The following CDC42SE2 variants were observed in gnomAD, a reference collection of about 807,000 sequenced individuals.
CDC42SE2 encodes the protein CDC42 small effector protein 2.
A neutral mutation model predicts 11.5 loss-of-function variants in CDC42SE2; 3 were observed. The ratio of observed to expected loss-of-function variants is 0.26; its 90% CI spans 0.12 to 0.67. The LOEUF (loss-of-function observed/expected upper bound fraction) is 0.67. Among genes scored for constraint, CDC42SE2 ranks in the 30% least tolerant of loss-of-function variants. CDC42SE2 has a pLI of 0.80. For missense variants in CDC42SE2, 82 were observed against 106.8 expected (o/e 0.77, Z 1.02); for synonymous variants, 33 against 34.8 (o/e 0.95, Z 0.18).
At chr5:131,266,204 T>G (rs944512139) in intron 1 of CDC42SE2, among the ~76,000 whole-genome samples, 3 of 152,164 alleles carry the variant, frequency 2.0e-5, no homozygotes, top group Non-Finnish European at 2.9e-5. Context: ...CGTTGCCTAT[T>G]TTAATCTATT....
At chr5:131,316,832 G>A (rs973464318) in intron 2 of CDC42SE2, among the ~76,000 whole-genome samples, 9 of 152,224 alleles carry the variant, frequency 5.9e-5, no homozygotes, top group Middle Eastern at 3.4e-3. Flanking sequence ...GTTTTGCCTT[G>A]AGATTTCCTG....
upstream of CDC42SE2, among the ~76,000 whole-genome samples, chr5:131,260,721 G>T (rs541034061): frequency 4.2e-4 from 64 of 151,998 alleles, 1 homozygote; most frequent in Admixed American, 7.2e-4. Flanking sequence ...ATCCCCTGAG[G>T]TCAGGAGTTC....
the CDC42SE2 span, among the ~76,000 whole-genome samples, chr5:131,211,527 T>C: frequency 3.9e-5 from 6 of 152,230 alleles, no homozygotes; most frequent in East Asian, 1.2e-3. Flanking sequence ...CTCATGTGTC[T>C]TGTCATTTTT....
chr5:131,348,073 G>C (rs1477978649), intron 2 of CDC42SE2, among the ~76,000 whole-genome samples: 5 of 152,166 alleles, frequency 3.3e-5, no homozygotes, highest in South Asian at 4.1e-4. Context: ...CATTCCCTTT[G>C]AAAACTGGCA....
intron 2 of CDC42SE2, among the ~76,000 whole-genome samples, chr5:131,336,441 T>TA (rs1758564294): frequency 6.6e-6 from 1 of 152,212 alleles, no homozygotes; most frequent in Admixed American, 6.5e-5. Flanking sequence ...ATCTGACAAT[T>TA]ACGTGTCTTG....
intron 2 of CDC42SE2, among the ~76,000 whole-genome samples, chr5:131,258,491 C>T (rs373286234): frequency 6.6e-6 from 1 of 151,950 alleles, no homozygotes; most frequent in Non-Finnish European, 1.5e-5. Context: ...TCTTGTTGTC[C>T]CCAGAGGCAT....
chr5:131,309,905 A>G (rs1208785881), intron 1 of CDC42SE2, among the ~76,000 whole-genome samples: 3 of 151,138 alleles, frequency 2.0e-5, no homozygotes, highest in African/African-American at 7.3e-5. Flanking sequence ...CAGCTCCTGG[A>G]TTCATTAATT....
intron 2 of CDC42SE2, among the ~76,000 whole-genome samples, chr5:131,338,394 A>G (rs1758628642): frequency 6.6e-6 from 1 of 152,192 alleles, no homozygotes; most frequent in Admixed American, 6.5e-5. Flanking sequence ...CCTCACTAGA[A>G]ATATAATGGC....
intron 2 of CDC42SE2, among the ~76,000 whole-genome samples, chr5:131,257,394 GC>G (rs1756686806): frequency 6.6e-6 from 1 of 151,952 alleles, no homozygotes; most frequent in South Asian, 2.1e-4. Flanking sequence ...ACCGTGCCCG[GC>G]CTCATGATGA....
chr5:131,263,524 A>G (rs1253939905), upstream of CDC42SE2: 3 of 152,208 alleles, frequency 2.0e-5, no homozygotes, highest in Admixed American at 6.5e-5. Context: ...TAAACCAGTT[A>G]ATGACTGATT....
rs180893926 is a variant in CDC42SE2 at position 131,303,388 on chromosome 5, G to T, written c.-454-12588G>T. Among the ~76,000 whole-genome samples, 132 of 152,200 alleles carry T rather than the reference G, an allele frequency of 8.7e-4. 1 individual carries two copies. The highest frequency in any genetic ancestry group is 6.3e-3 in the Admixed American group (97 of 15,280). Reference sequence around the variant, plus strand: ...ATTCAATGTCAGAGTGATTTAATAGGGTCAAGGCCTGATAATTTAAGCTAC... The same window carrying T: ...ATTCAATGTCAGAGTGATTTAATAGTGTCAAGGCCTGATAATTTAAGCTAC... On this transcript the variant is annotated intron_variant, in intron 1 of 4. Transcript: ENST00000505065.
chr5:131,348,927 G>A (rs567010717), intron 2 of CDC42SE2, among the ~76,000 whole-genome samples: 17 of 152,132 alleles, frequency 1.1e-4, no homozygotes, highest in African/African-American at 4.1e-4. Context: ...TGGGAAAACT[G>A]GCTAGCCACA....
chr5:131,310,827 G>C (rs574506050), intron 1 of CDC42SE2, among the ~76,000 whole-genome samples: 3,145 of 151,808 alleles, frequency 0.021, 68 homozygotes, highest in East Asian at 0.094. Flanking sequence ...TATTTTGAGC[G>C]TATGTGTGTC....
chr5:131,270,167 G>T (rs1422365341), intron 1 of CDC42SE2, among the ~76,000 whole-genome samples: 1 of 151,916 alleles, frequency 6.6e-6, no homozygotes, highest in Non-Finnish European at 1.5e-5. Context: ...GAGGTCAGGA[G>T]ATCAAGACCA....
chr5:131,298,686 G>A (rs1757621919), intron 1 of CDC42SE2, among the ~76,000 whole-genome samples: 1 of 151,582 alleles, frequency 6.6e-6, no homozygotes, highest in South Asian at 2.1e-4. Context: ...CACCATCTTT[G>A]GTACCCCATA....
chr5:131,212,130 C>T, the CDC42SE2 span, among the ~76,000 whole-genome samples: 16 of 151,570 alleles, frequency 1.1e-4, no homozygotes, highest in East Asian at 3.9e-4. Context: ...TGTTTTGAGA[C>T]GGAGTGTCAC....
chr5:131,352,567 C>G (rs189398746), intron 2 of CDC42SE2, among the ~76,000 whole-genome samples: 31 of 152,196 alleles, frequency 2.0e-4, no homozygotes, highest in Middle Eastern at 3.4e-3. Context: ...CTACCTCAGT[C>G]TTTTATAACT....
chr5:131,312,298 C>T (rs547536796), intron 1 of CDC42SE2, among the ~76,000 whole-genome samples: 34 of 152,006 alleles, frequency 2.2e-4, no homozygotes, highest in Non-Finnish European at 4.6e-4. Context: ...GCAGTCTGCC[C>T]GTTCTCAGGT....
chr5:131,276,583 AAT>A (rs2149697902), intron 1 of CDC42SE2, among the ~76,000 whole-genome samples: 1 of 152,316 alleles, frequency 6.6e-6, no homozygotes, highest in South Asian at 2.1e-4. Context: ...ATTTTTGTAT[AAT>A]ATGCAATAAT....
Sources: allele counts gnomAD v4.1 joint callset (sites outside exome capture counted in the v4.1 genomes callset), GRCh38; gene constraint gnomAD v4.1.1; transcripts MANE v1.5; gene names NCBI Gene and HGNC (gene_info 2026-07-23, HGNC 2026-07-21).